PLCB4: variants seen among roughly 807,000 people sequenced by gnomAD.
PLCB4 encodes the protein 1-phosphatidylinositol 4,5-bisphosphate phosphodiesterase beta-4.
Under a neutral mutation model 178.8 loss-of-function variants are expected in PLCB4, and 77 were observed. The observed-to-expected ratio is 0.43, with a 90% CI of 0.36 to 0.52. The LOEUF (loss-of-function observed/expected upper bound fraction) is 0.52, where lower values mean the gene tolerates loss of function less well. Among genes scored for constraint, PLCB4 ranks in the 20% least tolerant of loss-of-function variants. The pLI, the probability that PLCB4 is intolerant of heterozygous loss-of-function variation, is 0.00. For synonymous variants in PLCB4, 496 were observed against 490.8 expected (o/e 1.01, Z -0.14); for missense variants, 1,024 against 1,453.4 (o/e 0.70, Z 4.80).
At chr20:9,292,656 A>G (rs1003936687) in intron 3 of PLCB4, among the ~76,000 whole-genome samples, 1 of 152,164 alleles carries the variant, frequency 6.6e-6, no homozygotes, top group Non-Finnish European at 1.5e-5. Flanking sequence ...AAAGAATGGA[A>G]ACTCATTCTA....
chr20:9,227,874 C>A (rs2093886534), intron 3 of PLCB4, among the ~76,000 whole-genome samples: 1 of 152,038 alleles, frequency 6.6e-6, no homozygotes, highest in African/African-American at 2.4e-5. Context: ...TTTTGTCCTG[C>A]AGTGATTTTT....
chr20:9,419,702 T>C (rs2040493095), intron 25 of PLCB4, 105 bp from the exon 26 acceptor site: 3 of 780,058 alleles, frequency 3.8e-6, no homozygotes, highest in Admixed American at 3.6e-5. Flanking sequence ...AAATCCTAGC[T>C]CCTGTGTTAC....
chr20:9,371,414 G>C, intron 10 of PLCB4, 119 bp downstream of exon 10: 3 of 588,778 alleles, frequency 5.1e-6, no homozygotes, highest in Non-Finnish European at 9.1e-6. Context: ...TTATATGTCA[G>C]TGACATATAG....
chr20:9,140,287 T>C lies in PLCB4; in HGVS notation c.-79+43945T>C, dbSNP rs146985397. 1.8e-4 allele frequency among the ~76,000 whole-genome samples: 28 copies of C among 152,152 alleles called. No homozygotes were observed. In the East Asian group the frequency reaches 5.3e-3, roughly 29 times the overall value. On this transcript the variant is annotated intron_variant, in intron 2 of 39. Transcript: ENST00000378473. ...TAAGCCACATCCCCTGTCCGTCTCCTTTTCCCTCATCTTGCTATCACACTT... is the reference window on the plus strand; with the variant it reads ...TAAGCCACATCCCCTGTCCGTCTCCCTTTCCCTCATCTTGCTATCACACTT...
intron 2 of PLCB4, among the ~76,000 whole-genome samples, chr20:9,174,452 CT>C (rs71184133): frequency 0.21 from 29,183 of 141,278 alleles, 2,775 homozygotes; most frequent in African/African-American, 0.24. Flanking sequence ...GCCTATTCTT[CT>C]TTTTTTTTTT....
chr20:9,201,381 G>A (rs1158005312), intron 2 of PLCB4, among the ~76,000 whole-genome samples: 5 of 152,096 alleles, frequency 3.3e-5, no homozygotes, highest in Non-Finnish European at 7.4e-5. Context: ...AAGTTATGAT[G>A]TATTAGAATT....
chr20:9,213,121 T>G (rs1044473125), intron 2 of PLCB4, among the ~76,000 whole-genome samples: 1 of 140,490 alleles, frequency 7.1e-6, no homozygotes, highest in African/African-American at 2.8e-5. Flanking sequence ...TTCTCTCCGT[T>G]AGCATACTTT....
At position 9,405,501 on chromosome 20, in the gene PLCB4, G is replaced by T. The variant is rs139061889; in HGVS notation, c.1647+153G>T. The stretch of plus-strand genomic sequence containing the variant: ...GAGTAAGATGATTTTCTAAAAGTAG[G>T]TATTTAATGCAGTAAGGCATTTTCT... On this transcript the variant is annotated intron_variant, in intron 21 of 39. Transcript: ENST00000378473. Among the ~76,000 whole-genome samples, 709 of 152,248 alleles carry T rather than the reference G, an allele frequency of 4.7e-3. 6 individuals are homozygous for T. The highest frequency in any genetic ancestry group is 0.016 in the African/African-American group (677 of 41,528).
intron 3 of PLCB4, among the ~76,000 whole-genome samples, chr20:9,229,886 G>C (rs765810072): frequency 6.6e-6 from 1 of 151,842 alleles, no homozygotes; most frequent in Non-Finnish European, 1.5e-5. Flanking sequence ...TTTTTTTGAA[G>C]GTTAAAAAGG....
intron 14 of PLCB4, 68 bp downstream of exon 14, chr20:9,384,479 G>A: frequency 1.9e-6 from 2 of 1,073,796 alleles, no homozygotes; most frequent in Non-Finnish European, 2.9e-6. Context: ...ACTTTTCTCT[G>A]AAAAACAGGA....
intron 3 of PLCB4, among the ~76,000 whole-genome samples, chr20:9,225,391 G>A (rs773372450): frequency 8.5e-5 from 13 of 152,160 alleles, no homozygotes; most frequent in Non-Finnish European, 1.9e-4. Flanking sequence ...GGTTGTATTA[G>A]CATTGTTAAT....
chr20:9,387,199 A>C (rs1366610300), intron 14 of PLCB4, among the ~76,000 whole-genome samples: 2 of 152,112 alleles, frequency 1.3e-5, no homozygotes, highest in Admixed American at 1.3e-4. Context: ...TTTTGTCACA[A>C]GTAGGATTTC....
intron 27 of PLCB4, 108 bp downstream of exon 27, chr20:9,421,569 T>C: frequency 1.2e-6 from 1 of 838,952 alleles, no homozygotes; most frequent in South Asian, 1.7e-5. Context: ...CAACATCTTC[T>C]TTTTCTCTTC....
intron 2 of PLCB4, among the ~76,000 whole-genome samples, chr20:9,205,746 GA>G (rs1336030986): frequency 6.6e-6 from 1 of 152,104 alleles, no homozygotes; most frequent in Non-Finnish European, 1.5e-5. Flanking sequence ...CCATCCCAAG[GA>G]TCTCTGTGCC....
intron 25 of PLCB4, among the ~76,000 whole-genome samples, chr20:9,418,656 C>T (rs1252416950): frequency 6.6e-6 from 1 of 152,038 alleles, no homozygotes; most frequent in Non-Finnish European, 1.5e-5. Flanking sequence ...TTCTTGATCC[C>T]TTGAGTTTCT....
intron 7 of PLCB4, among the ~76,000 whole-genome samples, chr20:9,345,180 A>G (rs574992398): frequency 1.3e-5 from 2 of 152,094 alleles, no homozygotes; most frequent in East Asian, 1.9e-4. Context: ...CAAGAGTGAA[A>G]CTCCATCTCA....
chr20:9,404,460 C>G (rs2039283417), intron 20 of PLCB4, among the ~76,000 whole-genome samples: 1 of 152,020 alleles, frequency 6.6e-6, no homozygotes, highest in Non-Finnish European at 1.5e-5. Flanking sequence ...CAAAAATTAG[C>G]CAGGCGCCAT....
At chr20:9,229,390 CAAAG>C (rs57762526) in intron 3 of PLCB4, among the ~76,000 whole-genome samples, 213 of 152,162 alleles carry the variant, frequency 1.4e-3, no homozygotes, top group African/African-American at 4.6e-3. Context: ...ATTCTGCAAA[CAAAG>C]GAAGGATTTT....
chr20:9,161,683 A>T (rs983292678), intron 2 of PLCB4, among the ~76,000 whole-genome samples: 1 of 152,220 alleles, frequency 6.6e-6, no homozygotes, highest in Non-Finnish European at 1.5e-5. Context: ...CATTGCTTGT[A>T]TTGGACTTTG....
Sources: gnomAD v4.1 joint callset for allele counts (sites outside exome capture counted in the v4.1 genomes callset) on GRCh38, gnomAD v4.1.1 for gene constraint, MANE v1.5 for transcripts, NCBI Gene and HGNC (gene_info 2026-07-23, HGNC 2026-07-21) for gene names.